ZDHHC3: variants seen among roughly 807,000 people sequenced by gnomAD.
ZDHHC3 encodes palmitoyltransferase ZDHHC3.
Under a neutral mutation model 30.6 loss-of-function variants are expected in ZDHHC3, and 9 were observed. That is an observed-to-expected ratio of 0.29 (90% CI 0.18 to 0.51). The LOEUF is 0.51. Ranked by LOEUF, ZDHHC3 falls within the 20% of genes least tolerant of loss-of-function variation. ZDHHC3 has a pLI of 0.97. For missense variants in ZDHHC3, 246 were observed against 384.2 expected (o/e 0.64, Z 3.01); for synonymous variants, 136 against 140.2 (o/e 0.97, Z 0.21).
rs1367451882 is a variant in ZDHHC3 at position 44,918,025 on chromosome 3, G to T, written c.*8664C>A. 7.7e-7 allele frequency: 1 copy of T among 1,305,426 alleles called. No homozygotes were observed. Among genetic ancestry groups the T allele is most frequent in the Non-Finnish European group, 1.0e-6 (1 of 988,962 alleles). 80.9% of individuals were successfully genotyped at this position (1,305,426 alleles called of 1,614,324 possible). A position where few individuals can be genotyped will look rare whatever the true frequency, so the allele number is the denominator to read the frequency against. On this transcript the variant is annotated 3_prime_UTR_variant, in exon 7 of 7. Transcript: ENST00000424952. ...GTCACTGGGGATCTCTGGCTGACAC[G>T]GTCTGGAGAAGGGGTTGAACCAGTT...
rs770400369 is a variant in ZDHHC3, at chr3:44,959,586, C to CA, written c.-24-127dup. ...ACCCCTGTGTGCAAAGCCACCTAAT[C>CA]ACCTTGTTCATTTAAAACATGAGTT... is the stretch of plus-strand genomic sequence containing the variant. On this transcript the variant is annotated intron_variant, in intron 1 of 6. Coordinates refer to ENST00000424952, the MANE Select transcript of ZDHHC3 (RefSeq NM_001135179.2). The surrounding 1 kb of genome is among the most constrained non-coding windows in gnomAD (Gnocchi z 4.3). 3 of 722,420 alleles carry CA rather than the reference C, an allele frequency of 4.2e-6. No individual in the cohort carries two copies. Among genetic ancestry groups the CA allele is most frequent in the African/African-American group, 1.8e-5 (1 of 56,120 alleles). The allele number at this position is 722,420 out of a possible 1,614,324, so 44.8% of individuals were successfully genotyped here. A position where few individuals can be genotyped will look rare whatever the true frequency, so the allele number is the denominator to read the frequency against.
chr3:44,945,675 A>G (rs1298326937), intron 2 of ZDHHC3, among the ~76,000 whole-genome samples: 1 of 151,848 alleles, frequency 6.6e-6, no homozygotes, highest in Non-Finnish European at 1.5e-5. Context: ...TTCCTGCTTC[A>G]GCCTCCCGAG....
chr3:44,926,916 G>A (rs769827142), intron 6 of ZDHHC3, 69 bp from the exon 7 acceptor site: 460 of 1,505,096 alleles, frequency 3.1e-4, no homozygotes, highest in Non-Finnish European at 3.9e-4. Context: ...AGGGATGTCC[G>A]CAGCGACAGG....
intron 1 of ZDHHC3, among the ~76,000 whole-genome samples, chr3:44,964,499 T>C (rs920309667): frequency 4.6e-5 from 7 of 152,286 alleles, no homozygotes; most frequent in African/African-American, 1.4e-4. Context: ...TGAGGCTTTA[T>C]AGGTAGGAGA....
chr3:44,963,744 C>T (rs577519545), intron 1 of ZDHHC3, among the ~76,000 whole-genome samples: 1 of 152,282 alleles, frequency 6.6e-6, no homozygotes, highest in Non-Finnish European at 1.5e-5. Context: ...GAAGATGGGC[C>T]CTAAGCCCCA....
Position 44,924,874 on chromosome 3 carries a change from C to A in ZDHHC3, c.*1815G>T. 1.0e-6 allele frequency: 1 copy of A among 985,546 alleles called. No individual in the cohort carries two copies. The highest frequency in any genetic ancestry group is 1.2e-6 in the Non-Finnish European group (1 of 829,940). The allele number at this position is 985,546 out of a possible 1,614,324, so 61.1% of individuals were successfully genotyped here. On this transcript the variant is annotated 3_prime_UTR_variant, in exon 7 of 7. Transcript: ENST00000424952. ...CTTAGCATCTCAGCCTCGCCCGTAT[C>A]GCATGAATAGCACCGTAGACACGAG...
Position 44,918,547 on chromosome 3 carries a change from A to G in ZDHHC3, c.*8142T>C, listed in dbSNP as rs967680320. 48 of 985,314 alleles carry G rather than the reference A, an allele frequency of 4.9e-5. No individual in the cohort carries two copies. Among genetic ancestry groups the G allele is most frequent in the Non-Finnish European group, 5.7e-5 (47 of 829,932 alleles). 61.0% of individuals were successfully genotyped at this position (985,314 alleles called of 1,614,324 possible). A position where few individuals can be genotyped will look rare whatever the true frequency, so the allele number is the denominator to read the frequency against. ...CTACAAACTGGTGATCCCCTCCTAA[A>G]TATTTTTGGCCACTCCCACCAGGGT... On this transcript the variant is annotated 3_prime_UTR_variant, in exon 7 of 7. Coordinates refer to ENST00000424952, the MANE Select transcript of ZDHHC3 (RefSeq NM_001135179.2).
At chr3:44,974,878 C>T (rs1180409497) in intron 1 of ZDHHC3, among the ~76,000 whole-genome samples, 1 of 152,164 alleles carries the variant, frequency 6.6e-6, no homozygotes, top group Non-Finnish European at 1.5e-5. Flanking sequence ...CATCATAGCT[C>T]TAACCACCAT....
Position 44,933,125 on chromosome 3 carries a change from ATCT to A in ZDHHC3, c.600_602del (p.Glu200del). 5.0e-6 allele frequency: 8 copies of A among 1,614,208 alleles called. No individual in the cohort carries two copies. Among genetic ancestry groups the A allele is most frequent in the African/African-American group, 1.3e-5 (1 of 75,052 alleles). On this transcript the variant is annotated inframe_deletion, in exon 5 of 7. Coordinates refer to ENST00000424952, the MANE Select transcript of ZDHHC3 (RefSeq NM_001135179.2). Reference sequence around the variant, plus strand: ...GCCTCAGCACATACTCACTTGTCCAATCTTCTTCAAAGCAATGCAGGAAGTGGA... The same window carrying A: ...GCCTCAGCACATACTCACTTGTCCAATCTTCAAAGCAATGCAGGAAGTGGA...
chr3:44,919,784 G>A lies in ZDHHC3; in HGVS notation c.*6905C>T. 1 of 727,484 alleles carries A rather than the reference G, an allele frequency of 1.4e-6. No individual in the cohort carries two copies. Among genetic ancestry groups the A allele is most frequent in the Non-Finnish European group, 1.7e-6 (1 of 594,750 alleles). The allele number at this position is 727,484 out of a possible 1,614,324, so 45.1% of individuals were successfully genotyped here. On this transcript the variant is annotated 3_prime_UTR_variant, in exon 7 of 7. Coordinates refer to ENST00000424952, the MANE Select transcript of ZDHHC3 (RefSeq NM_001135179.2). Reference sequence around the variant, plus strand: ...TTACCTTTGGTGAGACTGACTGAAAGGTACATGGGAACTCTTTGTACTGTT... The same window carrying A: ...TTACCTTTGGTGAGACTGACTGAAAAGTACATGGGAACTCTTTGTACTGTT...
chr3:44,971,007 G>A (rs1355386442), intron 1 of ZDHHC3, among the ~76,000 whole-genome samples: 2 of 152,206 alleles, frequency 1.3e-5, no homozygotes, highest in Admixed American at 6.5e-5. Context: ...TTTGGACTAA[G>A]ATGCCCGGAA....
chr3:44,967,061 CTG>C (rs1314869834), intron 1 of ZDHHC3, among the ~76,000 whole-genome samples: 2 of 152,020 alleles, frequency 1.3e-5, no homozygotes, highest in Non-Finnish European at 2.9e-5. Context: ...CCTTTTGTCT[CTG>C]TCATACTCAG....
chr3:44,918,290 T>C lies in ZDHHC3; in HGVS notation c.*8399A>G. On this transcript the variant is annotated 3_prime_UTR_variant, in exon 7 of 7. Transcript: ENST00000424952. ...TAAGATGGGGTCTGAGTGGGCAGTC[T>C]GTTGTGGCCCAGGTCACCCCCGGGA... 1 of 1,194,742 alleles carries C rather than the reference T, an allele frequency of 8.4e-7. No individual in the cohort carries two copies. Among genetic ancestry groups the C allele is most frequent in the Non-Finnish European group, 1.1e-6 (1 of 942,968 alleles). 74.0% of individuals were successfully genotyped at this position (1,194,742 alleles called of 1,614,324 possible).
chr3:44,973,580 TC>T (rs942329410), intron 1 of ZDHHC3, among the ~76,000 whole-genome samples: 5 of 152,172 alleles, frequency 3.3e-5, no homozygotes, highest in Admixed American at 6.5e-5. Flanking sequence ...TGCCTCAGCC[TC>T]CCGAGTAGCT....
intron 1 of ZDHHC3, among the ~76,000 whole-genome samples, chr3:44,962,176 A>G (rs1434568413): frequency 1.3e-5 from 2 of 152,194 alleles, no homozygotes; most frequent in Non-Finnish European, 2.9e-5. Context: ...CATAAATGGT[A>G]TGGTTTTCAT....
intron 1 of ZDHHC3, among the ~76,000 whole-genome samples, chr3:44,973,710 G>A (rs775588398): frequency 1.3e-5 from 2 of 152,102 alleles, no homozygotes; most frequent in Admixed American, 6.5e-5. Flanking sequence ...CACCGGCCTC[G>A]GCCTCCCAAA....
In ZDHHC3 at chr3:44,921,150, C is replaced by G. The variant is rs965225871; in HGVS notation, c.*5539G>C. The G allele has an allele frequency of 1.0e-6, 1 of 985,246 alleles. No homozygotes were observed. Among genetic ancestry groups the G allele is most frequent in the Non-Finnish European group, 1.2e-6 (1 of 829,938 alleles). 61.0% of individuals were successfully genotyped at this position (985,246 alleles called of 1,614,324 possible). A position where few individuals can be genotyped will look rare whatever the true frequency, so the allele number is the denominator to read the frequency against. On this transcript the variant is annotated 3_prime_UTR_variant, in exon 7 of 7. Transcript: ENST00000424952. ...GATGGGCCTTTTGGCCCAGGTCAGTCTGGGTGACACATGAGCTGTGATCTG... is the reference window on the plus strand; with the variant it reads ...GATGGGCCTTTTGGCCCAGGTCAGTGTGGGTGACACATGAGCTGTGATCTG...
intron 3 of ZDHHC3, among the ~76,000 whole-genome samples, chr3:44,936,939 A>G (rs576975252): frequency 1.3e-5 from 2 of 151,596 alleles, no homozygotes; most frequent in Non-Finnish European, 1.5e-5. Flanking sequence ...GCAGTCCTCA[A>G]TGTTGGCCCA....
chr3:44,945,149 C>G lies in ZDHHC3; in HGVS notation c.431+19G>C, dbSNP rs552299675. On this transcript the variant is annotated intron_variant, in intron 3 of 6. Transcript: ENST00000424952. ...CAGGACAGTGGGAGAAGAGAGGAGGCGAGCCCCAGTGAGTGTACCTGCAGT... is the reference window on the plus strand; with the variant it reads ...CAGGACAGTGGGAGAAGAGAGGAGGGGAGCCCCAGTGAGTGTACCTGCAGT... 10 of 1,613,132 alleles carry G rather than the reference C, an allele frequency of 6.2e-6. No homozygotes were observed. In the South Asian group the frequency reaches 8.8e-5, roughly 14 times the overall value.
Sources: gnomAD v4.1 joint callset for allele counts (sites outside exome capture counted in the v4.1 genomes callset) on GRCh38, gnomAD v4.1.1 for gene constraint, Gnocchi (gnomAD v3.1) non-coding constraint, MANE v1.5 for transcripts, NCBI Gene and HGNC (gene_info 2026-07-23, HGNC 2026-07-21) for gene names.